The following AGBL1 variants were observed in gnomAD, a reference collection of about 807,000 sequenced individuals.
AGBL1 encodes the protein AGBL carboxypeptidase 1, also known as cytosolic carboxypeptidase 4.
A neutral mutation model predicts 118.9 loss-of-function variants in AGBL1; 130 were observed. The ratio of observed to expected loss-of-function variants is 1.09; its 90% CI spans 0.95 to 1.26. AGBL1 has a LOEUF of 1.26. Among genes scored for constraint, AGBL1 ranks in the 50% most tolerant of loss-of-function variants. AGBL1 has a pLI of 0.00. For synonymous variants in AGBL1, 555 were observed against 478.9 expected, an observed-to-expected ratio of 1.16 and a Z score of -2.08; for missense variants, 1,584 against 1,298.1, an observed-to-expected ratio of 1.22 and a Z score of -3.38.
chr15:86,285,160 G>T (rs1010459919), intron 16 of AGBL1, among the ~76,000 whole-genome samples: 4 of 152,112 alleles, frequency 2.6e-5, no homozygotes, highest in African/African-American at 9.7e-5. Flanking sequence ...AAATCCAACA[G>T]AAATTTATAC....
intron 1 of AGBL1, among the ~76,000 whole-genome samples, chr15:86,120,919 T>TG (rs764947282): frequency 5.3e-5 from 8 of 151,114 alleles, no homozygotes; most frequent in Non-Finnish European, 1.2e-4. Context: ...TTTTTTAAGA[T>TG]GGAGTCCCGC....
intron 21 of AGBL1, among the ~76,000 whole-genome samples, chr15:86,642,004 G>A (rs772522398): frequency 8.5e-5 from 13 of 152,152 alleles, no homozygotes; most frequent in Non-Finnish European, 1.6e-4. Flanking sequence ...CCTTGAACTT[G>A]TTCTCATGGT....
At chr15:86,741,264 A>C (rs2077673511) in intron 22 of AGBL1, among the ~76,000 whole-genome samples, 1 of 151,658 alleles carries the variant, frequency 6.6e-6, no homozygotes, top group East Asian at 1.9e-4. Flanking sequence ...TCAACAAGGA[A>C]GACAAACAAT....
At chr15:86,842,908 T>A (rs560457437) in intron 22 of AGBL1, among the ~76,000 whole-genome samples, 45 of 152,274 alleles carry the variant, frequency 3.0e-4, no homozygotes, top group African/African-American at 8.7e-4. Context: ...CCCTCCCCTT[T>A]GCTTCCTTAA....
At chr15:86,276,776 A>T (rs2079259407) in intron 15 of AGBL1, among the ~76,000 whole-genome samples, 2 of 152,240 alleles carry the variant, frequency 1.3e-5, no homozygotes. Flanking sequence ...CATAGGAAGG[A>T]TGAACATTGC....
At chr15:86,131,996 A>T (rs1025921300) in intron 1 of AGBL1, among the ~76,000 whole-genome samples, 3 of 151,942 alleles carry the variant, frequency 2.0e-5, no homozygotes, top group Non-Finnish European at 4.4e-5. Flanking sequence ...ATGCCAGTTC[A>T]TATCCTGATG....
chr15:86,484,483 C>T (rs906595146), intron 18 of AGBL1, among the ~76,000 whole-genome samples: 3 of 152,052 alleles, frequency 2.0e-5, no homozygotes, highest in Non-Finnish European at 4.4e-5. Flanking sequence ...TGCAAGGGAT[C>T]AGTTATGAAT....
intron 1 of AGBL1, among the ~76,000 whole-genome samples, chr15:86,087,862 G>C (rs1475986621): frequency 6.6e-6 from 1 of 152,214 alleles, no homozygotes; most frequent in Admixed American, 6.5e-5. Flanking sequence ...ATTTCCTCAG[G>C]TGTAAGTGTC....
At chr15:86,475,212 A>C (rs2082540409) in intron 18 of AGBL1, among the ~76,000 whole-genome samples, 1 of 152,232 alleles carries the variant, frequency 6.6e-6, no homozygotes. Flanking sequence ...CAACGGAACA[A>C]AGATGGACAG....
intron 24 of AGBL1, among the ~76,000 whole-genome samples, chr15:87,027,649 T>C (rs1441785881): frequency 6.6e-6 from 1 of 151,920 alleles, no homozygotes; most frequent in Non-Finnish European, 1.5e-5. Context: ...CCATCAATGA[T>C]AGACTGGAGA....
chr15:86,879,349 G>T (rs966831970), intron 22 of AGBL1, among the ~76,000 whole-genome samples: 2 of 152,190 alleles, frequency 1.3e-5, no homozygotes, highest in African/African-American at 4.8e-5. Context: ...CTCAGGGGAT[G>T]TTGGGCCTCC....
chr15:86,494,354 T>A lies in AGBL1; in HGVS notation c.2556-28456T>A, dbSNP rs146810580. Among the ~76,000 whole-genome samples, 22 of 152,196 alleles carry A rather than the reference T, an allele frequency of 1.4e-4. No homozygotes were observed. In the East Asian group the frequency reaches 4.1e-3, roughly 28 times the overall value. On this transcript the variant is annotated intron_variant, in intron 18 of 22. Coordinates refer to ENST00000614907, the MANE Select transcript of AGBL1 (RefSeq NM_001386094.1). The stretch of plus-strand genomic sequence containing the variant: ...AGCTAATCTCCTCCCTCCTAGAAGA[T>A]TTTTCTTATAAAGTGTAGAATTTTG...
chr15:86,611,926 AT>A (rs1403223668), intron 21 of AGBL1, among the ~76,000 whole-genome samples: 1 of 152,194 alleles, frequency 6.6e-6, no homozygotes, highest in African/African-American at 2.4e-5. Flanking sequence ...GGTATTTAAA[AT>A]GGGGGCAGGC....
chr15:86,879,166 C>T (rs1158807127), intron 22 of AGBL1, among the ~76,000 whole-genome samples: 1 of 152,240 alleles, frequency 6.6e-6, no homozygotes, highest in Non-Finnish European at 1.5e-5. Flanking sequence ...CATTCATCCT[C>T]TCTTTGGCCC....
chr15:86,414,801 C>T (rs1404812248), intron 18 of AGBL1, among the ~76,000 whole-genome samples: 2 of 152,130 alleles, frequency 1.3e-5, no homozygotes, highest in Non-Finnish European at 2.9e-5. Context: ...GAGATGCAGA[C>T]ATAAAATTAA....
At chr15:86,528,228 T>C (rs1366009598) in intron 19 of AGBL1, among the ~76,000 whole-genome samples, 1 of 152,034 alleles carries the variant, frequency 6.6e-6, no homozygotes, top group Admixed American at 6.6e-5. Context: ...TGCCAGACAG[T>C]GGGCGCAGGC....
intron 7 of AGBL1, among the ~76,000 whole-genome samples, chr15:86,256,179 C>T (rs1244377190): frequency 1.3e-5 from 2 of 152,220 alleles, no homozygotes; most frequent in Admixed American, 6.5e-5. Flanking sequence ...CTTGTTCCTA[C>T]ATTTTTCACA....
rs140671805 is a variant in AGBL1 at position 86,442,764 on chromosome 15, G to A, written c.2555+45218G>A. On this transcript the variant is annotated intron_variant, in intron 18 of 22. Coordinates refer to ENST00000614907, the MANE Select transcript of AGBL1 (RefSeq NM_001386094.1). ...CAACAGCAAGAAAAGCAAGGGCTTC[G>A]TCATAGGCATCCTGGCCTCCATTCT... 1.2e-4 allele frequency among the ~76,000 whole-genome samples: 19 copies of A among 152,332 alleles called. 1 individual carries two copies. The East Asian group carries it at 1.7e-3, about 14-fold the overall frequency.
intron 23 of AGBL1, among the ~76,000 whole-genome samples, chr15:86,980,996 C>T (rs1237976114): frequency 2.0e-5 from 3 of 149,820 alleles, no homozygotes; most frequent in Non-Finnish European, 2.9e-5. Flanking sequence ...AAGCAATTCT[C>T]CTGTCTCAGA....
Sources: gnomAD v4.1 joint callset for allele counts (sites outside exome capture counted in the v4.1 genomes callset) on GRCh38, gnomAD v4.1.1 for gene constraint, MANE v1.5 for transcripts, NCBI Gene and HGNC (gene_info 2026-07-23, HGNC 2026-07-21) for gene names.